CSMD1: variants seen among roughly 807,000 people sequenced by gnomAD.
CSMD1 encodes CUB and Sushi multiple domains 1.
A neutral mutation model predicts 417.5 loss-of-function variants in CSMD1; 213 were observed. That is an observed-to-expected ratio of 0.51 (90% CI 0.46 to 0.57). The LOEUF (loss-of-function observed/expected upper bound fraction) is 0.57, where lower values mean the gene tolerates loss of function less well. Among genes scored for constraint, CSMD1 ranks in the 20% least tolerant of loss-of-function variants. The pLI is 0.00. For missense variants in CSMD1, 6,923 were observed against 4,529.7 expected (o/e 1.53, Z -15.17); for synonymous variants, 2,862 against 1,736.8 (o/e 1.65, Z -16.11).
rs1563192878 is a variant in CSMD1, at chr8:3,256,310, A to AC, written c.4154-26080_4154-26079insG. ...TGACAGAGCAAGACTAAGTCTCAAG[A>AC]AAAAAAAAAAAAAAAGAGAAGAAAG... On this transcript the variant is annotated intron_variant, in intron 26 of 69. Coordinates refer to ENST00000635120, the MANE Select transcript of CSMD1 (RefSeq NM_033225.6). 2.3e-3 allele frequency among the ~76,000 whole-genome samples: 79 copies of AC among 34,902 alleles called. No individual in the cohort carries two copies. In the East Asian group the frequency reaches 0.029, roughly 13 times the overall value. 22.9% of individuals were successfully genotyped at this position (34,902 alleles called of 152,430 possible).
intron 2 of CSMD1, among the ~76,000 whole-genome samples, chr8:4,531,400 T>G (rs1239075418): frequency 6.6e-6 from 1 of 152,208 alleles, no homozygotes; most frequent in Non-Finnish European, 1.5e-5. Flanking sequence ...GTCAGATGAT[T>G]TGGGTTTTAA....
At chr8:3,536,420 T>C (rs1349084358) in intron 10 of CSMD1, among the ~76,000 whole-genome samples, 2 of 152,218 alleles carry the variant, frequency 1.3e-5, no homozygotes, top group Admixed American at 1.3e-4. Context: ...AGAATGGGCT[T>C]AGAGTCAGAA....
rs143806166 is a variant in CSMD1 at position 4,668,448 on chromosome 8, T to C, written c.86-30890A>G. On this transcript the variant is annotated intron_variant, in intron 1 of 69. Coordinates refer to ENST00000635120, the MANE Select transcript of CSMD1 (RefSeq NM_033225.6). ...TTATTATTATTATTATTATTATTATTATTATTATTATTATTATTTGAGATG... is the reference window on the plus strand; with the variant it reads ...TTATTATTATTATTATTATTATTATCATTATTATTATTATTATTTGAGATG... Among the ~76,000 whole-genome samples the C allele has an allele frequency of 6.9e-3, 1,016 of 146,420 alleles. 16 individuals carry two copies. Among genetic ancestry groups the C allele is most frequent in the African/African-American group, 0.024 (961 of 40,248 alleles).
chr8:4,295,614 A>ATT (rs1290385152), intron 3 of CSMD1, among the ~76,000 whole-genome samples: 1 of 145,326 alleles, frequency 6.9e-6, no homozygotes, highest in African/African-American at 2.5e-5. Flanking sequence ...TAATCCTAAG[A>ATT]TTATATATAT....
chr8:4,413,052 C>A (rs551022322), intron 3 of CSMD1, among the ~76,000 whole-genome samples: 1 of 152,104 alleles, frequency 6.6e-6, no homozygotes, highest in Non-Finnish European at 1.5e-5. Flanking sequence ...AATAGACTTA[C>A]AAAATTACGC....
At chr8:3,370,102 G>A (rs992587377) in intron 18 of CSMD1, among the ~76,000 whole-genome samples, 4 of 152,208 alleles carry the variant, frequency 2.6e-5, no homozygotes, top group African/African-American at 9.6e-5. Flanking sequence ...GTTATCTACT[G>A]AGAGTTGCTA....
At chr8:4,207,568 T>C (rs1024924339) in intron 3 of CSMD1, among the ~76,000 whole-genome samples, 1 of 152,122 alleles carries the variant, frequency 6.6e-6, no homozygotes, top group African/African-American at 2.4e-5. Context: ...GTTAAGAAAA[T>C]GAATGAAACT....
At chr8:4,095,172 G>A (rs988610126) in intron 3 of CSMD1, among the ~76,000 whole-genome samples, 2 of 152,124 alleles carry the variant, frequency 1.3e-5, no homozygotes, top group Non-Finnish European at 1.5e-5. Flanking sequence ...TGTTGGGGAC[G>A]GATAGCCACA....
chr8:3,297,725 G>T (rs1309430185), intron 25 of CSMD1, among the ~76,000 whole-genome samples: 1 of 152,156 alleles, frequency 6.6e-6, no homozygotes, highest in African/African-American at 2.4e-5. Context: ...GATAATATTT[G>T]TATAGCTTTG....
chr8:4,160,351 A>T (rs1046064595), intron 3 of CSMD1, among the ~76,000 whole-genome samples: 2 of 152,158 alleles, frequency 1.3e-5, no homozygotes, highest in African/African-American at 4.8e-5. Context: ...CATTTTTTGT[A>T]AAGTAATGAA....
chr8:4,612,077 A>G (rs1458086457), intron 2 of CSMD1, among the ~76,000 whole-genome samples: 1 of 152,182 alleles, frequency 6.6e-6, no homozygotes, highest in East Asian at 1.9e-4. Flanking sequence ...TGAGGATAGA[A>G]GAGTGCTGGG....
chr8:4,839,433 T>C (rs1800704878), intron 1 of CSMD1, among the ~76,000 whole-genome samples: 1 of 152,160 alleles, frequency 6.6e-6, no homozygotes, highest in African/African-American at 2.4e-5. Context: ...TATTTCTAGT[T>C]CTGAAAAAAA....
At chr8:4,045,660 T>G (rs999629885) in intron 3 of CSMD1, among the ~76,000 whole-genome samples, 3 of 152,198 alleles carry the variant, frequency 2.0e-5, no homozygotes, top group African/African-American at 7.2e-5. Flanking sequence ...TGGATTGTAG[T>G]AGAAATAATT....
chr8:3,232,999 C>A (rs1273654705), intron 26 of CSMD1, among the ~76,000 whole-genome samples: 3 of 152,000 alleles, frequency 2.0e-5, no homozygotes, highest in Admixed American at 2.0e-4. Context: ...AAACCTCATA[C>A]ATTAAATATT....
intron 49 of CSMD1, among the ~76,000 whole-genome samples, chr8:3,083,648 A>ATTTT (rs34049524): frequency 1.5e-4 from 2 of 13,578 alleles, no homozygotes; most frequent in African/African-American, 3.1e-4. Context: ...ATATATATAT[A>ATTTT]TTTTTTTTTT....
chr8:3,705,192 C>A (rs950156914), intron 7 of CSMD1, among the ~76,000 whole-genome samples: 5 of 152,166 alleles, frequency 3.3e-5, no homozygotes, highest in African/African-American at 1.2e-4. Context: ...TGAGCTGTGG[C>A]TGCTTTCTGC....
At chr8:4,362,170 A>G (rs1375799841) in intron 3 of CSMD1, among the ~76,000 whole-genome samples, 1 of 152,210 alleles carries the variant, frequency 6.6e-6, no homozygotes, top group Admixed American at 6.5e-5. Flanking sequence ...TTACATGAGT[A>G]CAGTGAAGAA....
chr8:4,339,093 T>G (rs889327994), intron 3 of CSMD1, among the ~76,000 whole-genome samples: 2 of 152,106 alleles, frequency 1.3e-5, no homozygotes, highest in African/African-American at 4.8e-5. Flanking sequence ...ATTCTGAGTC[T>G]AGACAAAAGA....
intron 3 of CSMD1, among the ~76,000 whole-genome samples, chr8:4,270,461 C>T (rs755888585): frequency 8.5e-5 from 13 of 152,124 alleles, no homozygotes; most frequent in East Asian, 1.9e-4. Flanking sequence ...CACAGAGAAG[C>T]CGCAGAGCTT....
Sources: allele counts gnomAD v4.1 joint callset (sites outside exome capture counted in the v4.1 genomes callset), GRCh38; gene constraint gnomAD v4.1.1; transcripts MANE v1.5; gene names NCBI Gene and HGNC (gene_info 2026-07-23, HGNC 2026-07-21).